GRM7: variants seen among roughly 807,000 people sequenced by gnomAD.
GRM7 encodes glutamate metabotropic receptor 7.
A neutral mutation model predicts 84.5 loss-of-function variants in GRM7; 35 were observed. The observed-to-expected ratio is 0.41, with a 90% CI of 0.32 to 0.55. The LOEUF (loss-of-function observed/expected upper bound fraction) is 0.55. Ranked by LOEUF, GRM7 falls within the 20% of genes least tolerant of loss-of-function variation. The pLI, the probability that GRM7 is intolerant of heterozygous loss-of-function variation, is 0.19. For missense variants in GRM7, 1,003 were observed against 1,194.6 expected (o/e 0.84, Z 2.36); for synonymous variants, 487 against 455.1 (o/e 1.07, Z -0.89).
chr3:7,595,082 T>A (rs563595470), intron 8 of GRM7, among the ~76,000 whole-genome samples: 4 of 152,346 alleles, frequency 2.6e-5, no homozygotes, highest in Admixed American at 1.3e-4. Context: ...TCATTCAATA[T>A]GTATTTACAA....
chr3:7,180,353 A>G (rs1048816957), intron 2 of GRM7, among the ~76,000 whole-genome samples: 11 of 152,190 alleles, frequency 7.2e-5, no homozygotes, highest in Admixed American at 2.0e-4. Flanking sequence ...TCTTAGGTGC[A>G]GGAGGCTCAT....
chr3:7,264,719 T>C (rs971681206), intron 2 of GRM7, among the ~76,000 whole-genome samples: 33 of 152,308 alleles, frequency 2.2e-4, no homozygotes, highest in Middle Eastern at 6.8e-3. Context: ...CCATCTTGCC[T>C]ACCTCTCCAC....
intron 2 of GRM7, among the ~76,000 whole-genome samples, chr3:7,258,379 A>G (rs1698286736): frequency 6.6e-6 from 1 of 152,052 alleles, no homozygotes; most frequent in Admixed American, 6.6e-5. Context: ...ACATTTGAAA[A>G]CCCTACGGCC....
intron 4 of GRM7, among the ~76,000 whole-genome samples, chr3:7,329,720 A>G (rs115175812): frequency 9.5e-4 from 145 of 152,246 alleles, no homozygotes; most frequent in African/African-American, 3.4e-3. Context: ...GTTCAGTAGC[A>G]TTGTGTGTGT....
At chr3:6,877,069 A>G (rs1479128787) in intron 1 of GRM7, among the ~76,000 whole-genome samples, 3 of 152,214 alleles carry the variant, frequency 2.0e-5, no homozygotes, top group African/African-American at 7.2e-5. Context: ...TTTCCTTAAT[A>G]TGGATGGAGG....
chr3:6,926,696 G>A (rs1348627130), intron 1 of GRM7, among the ~76,000 whole-genome samples: 3 of 152,170 alleles, frequency 2.0e-5, no homozygotes, highest in African/African-American at 7.2e-5. Flanking sequence ...GCAAAAAGCC[G>A]ATGCAACCAC....
intron 2 of GRM7, among the ~76,000 whole-genome samples, chr3:7,235,581 A>G (rs1392480487): frequency 6.6e-6 from 1 of 152,226 alleles, no homozygotes; most frequent in African/African-American, 2.4e-5. Context: ...GCCACCAAGG[A>G]AATTCTTTAC....
intron 4 of GRM7, among the ~76,000 whole-genome samples, chr3:7,394,012 TTACCA>T (rs1695107268): frequency 6.6e-6 from 1 of 152,090 alleles, no homozygotes; most frequent in South Asian, 2.1e-4. Flanking sequence ...TTTATAATCT[TTACCA>T]TACAATTATT....
chr3:7,523,780 C>T (rs956521233), intron 7 of GRM7, among the ~76,000 whole-genome samples: 3 of 151,768 alleles, frequency 2.0e-5, no homozygotes, highest in Admixed American at 6.6e-5. Flanking sequence ...ATAGGTGGAT[C>T]GGGATATAGT....
chr3:7,041,351 T>A (rs1696607617), intron 1 of GRM7, among the ~76,000 whole-genome samples: 1 of 152,200 alleles, frequency 6.6e-6, no homozygotes, highest in South Asian at 2.1e-4. Context: ...CAAATTAATT[T>A]GCATTTTCTA....
At chr3:7,153,414 T>A (rs1304369230) in intron 2 of GRM7, among the ~76,000 whole-genome samples, 2 of 152,136 alleles carry the variant, frequency 1.3e-5, no homozygotes, top group African/African-American at 4.8e-5. Context: ...TGCCTAGTTA[T>A]CCTCTCTCAC....
intron 1 of GRM7, among the ~76,000 whole-genome samples, chr3:7,124,186 A>T (rs562507541): frequency 3.3e-5 from 5 of 152,312 alleles, no homozygotes; most frequent in African/African-American, 9.6e-5. Flanking sequence ...TAAATCAGAA[A>T]TTCTATATTC....
chr3:7,474,432 G>A (rs1160538915), intron 7 of GRM7, among the ~76,000 whole-genome samples: 2 of 135,010 alleles, frequency 1.5e-5, no homozygotes, highest in African/African-American at 6.1e-5. Context: ...TGTACAAATA[G>A]CTTTTCTCAA....
Position 7,666,936 on chromosome 3 carries a change from T to A in GRM7, c.2452-13113T>A, listed in dbSNP as rs1231475418. ...AAATAGTTCCCAAGAAAAGGAAAAT[T>A]TGTGGAGAGGCATGTTGCACAGCGA... On this transcript the variant is annotated intron_variant, in intron 8 of 9. Transcript: ENST00000357716. Among the ~76,000 whole-genome samples, 3 of 151,926 alleles carry A rather than the reference T, an allele frequency of 2.0e-5. No individual in the cohort carries two copies. The East Asian group carries it at 5.8e-4, about 29-fold the overall frequency.
rs113968840 is a variant in GRM7, at chr3:6,926,017, A to G, written c.519+64110A>G. Among the ~76,000 whole-genome samples the G allele has an allele frequency of 4.4e-3, 669 of 152,222 alleles. 8 individuals carry two copies. Among genetic ancestry groups the G allele is most frequent in the African/African-American group, 0.015 (630 of 41,530 alleles). ...TCCCCCAAATTGTGCTCAGACTGGG[A>G]TTTCGTGCTTCAAATGTGGTCCATC... On this transcript the variant is annotated intron_variant, in intron 1 of 9. Transcript: ENST00000357716.
At chr3:6,942,859 A>T (rs1336143315) in intron 1 of GRM7, among the ~76,000 whole-genome samples, 2 of 152,114 alleles carry the variant, frequency 1.3e-5, no homozygotes, top group East Asian at 1.9e-4. Flanking sequence ...TGAGATGTCC[A>T]GTTATTCTTT....
intron 2 of GRM7, among the ~76,000 whole-genome samples, chr3:7,207,536 A>G (rs1696279555): frequency 6.6e-6 from 1 of 152,204 alleles, no homozygotes; most frequent in African/African-American, 2.4e-5. Flanking sequence ...ATAGCATGAT[A>G]TAATACCCTA....
chr3:6,872,097 A>G (rs1437298272), intron 1 of GRM7, among the ~76,000 whole-genome samples: 1 of 152,158 alleles, frequency 6.6e-6, no homozygotes, highest in African/African-American at 2.4e-5. Context: ...AGGAAATGTT[A>G]CTTTTGGATT....
In GRM7 at chr3:7,298,688, A is replaced by G; in HGVS notation, c.741A>G (p.Gly247=). 9 of 1,612,950 alleles carry G rather than the reference A, an allele frequency of 5.6e-6. No individual in the cohort carries two copies. Among genetic ancestry groups the G allele is most frequent in the Non-Finnish European group, 7.6e-6 (9 of 1,179,172 alleles). The change falls in exon 3 of 10, where the codon GGA becomes GGG. Residue 247 remains glycine (G), a synonymous_variant. Transcript: ENST00000357716. ...ATGTTTTCTTCTCTTAAACAGGTGG[A>G]CTCTGCATTGCCCAGTCCGTGAGAA... ...SFTQISKEAG[G]LCIAQSVRIP...
Sources: gnomAD v4.1 joint callset for allele counts (sites outside exome capture counted in the v4.1 genomes callset) on GRCh38, gnomAD v4.1.1 for gene constraint, MANE v1.5 for transcripts, NCBI Gene and HGNC (gene_info 2026-07-23, HGNC 2026-07-21) for gene names.